RRBP1: variants seen among roughly 807,000 people sequenced by gnomAD.
RRBP1 encodes ribosome-binding protein 1.
A neutral mutation model predicts 165.2 loss-of-function variants in RRBP1; 94 were observed. The observed-to-expected ratio is 0.57, with a 90% confidence interval of 0.48 to 0.68. The LOEUF (loss-of-function observed/expected upper bound fraction) is 0.68. RRBP1 is among the 30% of genes least tolerant of loss of function. RRBP1 has a pLI of 0.00. For missense variants in RRBP1, 1,676 were observed against 1,763.0 expected, an observed-to-expected ratio of 0.95 and a Z score of 0.88; for synonymous variants, 680 against 714.5, an observed-to-expected ratio of 0.95 and a Z score of 0.77.
intron 21 of RRBP1, among the ~76,000 whole-genome samples, chr20:17,616,468 G>A (rs2035801600): frequency 6.6e-6 from 1 of 152,174 alleles, no homozygotes; most frequent in South Asian, 2.1e-4. Context: ...CCTGAGCCCT[G>A]TAGGTGCAGA....
chr20:17,626,227 TACA>T, intron 11 of RRBP1, among the ~76,000 whole-genome samples: 1 of 152,178 alleles, frequency 6.6e-6, no homozygotes. Flanking sequence ...TAATCCTAAC[TACA>T]ACATGAGTTC....
At chr20:17,650,886 A>G (rs760052596) in intron 3 of RRBP1, among the ~76,000 whole-genome samples, 1 of 152,210 alleles carries the variant, frequency 6.6e-6, no homozygotes, top group Non-Finnish European at 1.5e-5. Context: ...TCTGAGGATA[A>G]AAATAGATTT....
At position 17,621,858 on chromosome 20, in the gene RRBP1, T is replaced by C; in HGVS notation, c.3237A>G (p.Gln1079=). The part of the protein sequence containing the change: ...ALLPELSVLA[Q]QNYTEWLQDL... ...GGGAACCACCCTCCCCTCCTACCTG[T>C]TGTGCCAAGACAGAGAGTTCTGGGA... The change falls in exon 14 of 25, where the codon CAA becomes CAG. Residue 1079 remains glutamine, a synonymous_variant. Transcript: ENST00000377813. 1.2e-6 allele frequency: 2 copies of C among 1,613,868 alleles called. No individual in the cohort carries two copies. Among genetic ancestry groups the C allele is most frequent in the Non-Finnish European group, 1.7e-6 (2 of 1,179,928 alleles).
intron 4 of RRBP1, 83 bp downstream of exon 4, chr20:17,642,890 AATGTCC>A: frequency 7.3e-7 from 1 of 1,374,980 alleles, no homozygotes; most frequent in Non-Finnish European, 1.0e-6. Flanking sequence ...CTGTCCTATG[AATGTCC>A]TCTCTGTGGC....
intron 4 of RRBP1, 29 bp downstream of exon 4, chr20:17,642,950 G>A (rs2036393171): frequency 6.2e-7 from 1 of 1,609,378 alleles, no homozygotes; most frequent in Non-Finnish European, 8.5e-7. Context: ...AGTGGCCTCT[G>A]AGCATGGCCA....
Position 17,659,683 on chromosome 20 carries a change from G to C in RRBP1, c.825C>G (p.Thr275=). The change falls in exon 3 of 25, where the codon ACC becomes ACG. Residue 275 remains threonine (T), a synonymous_variant. Transcript: ENST00000377813. The stretch of plus-strand genomic sequence containing the variant: ...CCTCCACCTTTTTCCCCTGGTTTGG[G>C]GTTGTATCTACCTTTTTACCCTGGT... ...AQNQGKKVDT[T]PNQGKKVEGA... The C allele has an allele frequency of 6.5e-7, 1 of 1,549,876 alleles. No individual in the cohort carries two copies. The highest frequency in any genetic ancestry group is 1.2e-5 in the South Asian group (1 of 84,026).
intron 2 of RRBP1, among the ~76,000 whole-genome samples, chr20:17,665,360 A>G (rs1280758368): frequency 1.3e-5 from 2 of 152,182 alleles, no homozygotes; most frequent in Admixed American, 1.3e-4. Flanking sequence ...ATAGATACAC[A>G]TAGCTTTGGT....
intron 11 of RRBP1, among the ~76,000 whole-genome samples, chr20:17,626,741 G>A (rs1228798980): frequency 7.7e-6 from 1 of 130,490 alleles, no homozygotes; most frequent in East Asian, 2.1e-4. Flanking sequence ...CCCCTGACTC[G>A]AGCCACCCCA....
rs1219368490 is a variant in RRBP1, at chr20:17,622,338, AG to A, written c.3148-392del. Among the ~76,000 whole-genome samples the A allele has an allele frequency of 7.9e-5, 12 of 152,276 alleles. No homozygotes were observed. In the East Asian group the frequency reaches 1.9e-3, roughly 25 times the overall value. ...GCAGTTGATGTGTGAGAGCCAGGGC[AG>A]GAAGAAGGGATGGGAGGACACTCAT... On this transcript the variant is annotated intron_variant, in intron 13 of 24. Coordinates refer to ENST00000377813, the MANE Select transcript of RRBP1 (RefSeq NM_001365613.2).
chr20:17,620,426 C>G (rs533887041), intron 17 of RRBP1, 56 bp from the exon 18 acceptor site: 1 of 1,494,540 alleles, frequency 6.7e-7, no homozygotes, highest in Non-Finnish European at 9.3e-7. Flanking sequence ...TGTCTCCTTC[C>G]GAGGCCATGC....
intron 17 of RRBP1, 122 bp downstream of exon 17, chr20:17,620,593 G>A (rs1345546671): frequency 6.2e-6 from 5 of 809,990 alleles, no homozygotes; most frequent in African/African-American, 3.6e-5. Context: ...TGCTTCATAG[G>A]GTGTCGTGGA....
In RRBP1 at chr20:17,620,810, G is replaced by A. The variant is rs771926707; in HGVS notation, c.3415-3C>T. The A allele has an allele frequency of 1.3e-6, 2 of 1,598,990 alleles. No homozygotes were observed. The highest frequency in any genetic ancestry group is 1.7e-6 in the Non-Finnish European group (2 of 1,173,650). On this transcript the variant is annotated splice_region_variant and splice_polypyrimidine_tract_variant and intron_variant, in intron 16 of 24. Coordinates refer to ENST00000377813, the MANE Select transcript of RRBP1 (RefSeq NM_001365613.2). ...TGCAGGTCTCTGAGCATGCCCTCCT[G>A]GGGGGAAACCGAGGTGAGGCAGGGC...
intron 2 of RRBP1, among the ~76,000 whole-genome samples, chr20:17,662,933 T>C (rs1385131211): frequency 6.6e-6 from 1 of 152,004 alleles, no homozygotes; most frequent in East Asian, 1.9e-4. Context: ...CTTAGCACCT[T>C]GGGAAGCTGA....
At chr20:17,646,579 C>T (rs1336503750) in intron 3 of RRBP1, among the ~76,000 whole-genome samples, 1 of 152,214 alleles carries the variant, frequency 6.6e-6, no homozygotes, top group East Asian at 1.9e-4. Flanking sequence ...TAAGTTGCAA[C>T]GTGCTTGGAA....
At chr20:17,620,486 C>G (rs577705111) in intron 17 of RRBP1, 116 bp from the exon 18 acceptor site, 260 of 977,064 alleles carry the variant, frequency 2.7e-4, no homozygotes, top group Non-Finnish European at 3.9e-4. Flanking sequence ...GGGGTGCCCA[C>G]TCCGCCCAGC....
In RRBP1 at chr20:17,658,955, T is replaced by C. The variant is rs896436802; in HGVS notation, c.1553A>G (p.Gln518Arg). The C allele has an allele frequency of 2.5e-6, 4 of 1,612,720 alleles. No individual in the cohort carries two copies. Among genetic ancestry groups the C allele is most frequent in the East Asian group, 2.2e-5 (1 of 44,900 alleles). Residue 518 changes from glutamine (Q) to arginine (R), a missense_variant, in exon 3 of 25, where the codon CAG becomes CGG. Coordinates refer to ENST00000377813, the MANE Select transcript of RRBP1 (RefSeq NM_001365613.2). ...CTGAGCCCCTTCTGTCTTTTTACCCTGATTCTGGGCTCCCTCTCCTTTTTG... is the reference window on the plus strand; with the variant it reads ...CTGAGCCCCTTCTGTCTTTTTACCCCGATTCTGGGCTCCCTCTCCTTTTTG... ...QGQKGEGAQN[Q>R]GKKTEGAQGK...
intron 2 of RRBP1, among the ~76,000 whole-genome samples, chr20:17,662,761 G>A (rs2036789438): frequency 6.6e-6 from 1 of 152,134 alleles, no homozygotes; most frequent in South Asian, 2.1e-4. Context: ...AAGAAGGTCT[G>A]GAACATGGTA....
chr20:17,658,492 T>C (rs1331598404), intron 3 of RRBP1, 104 bp downstream of exon 3: 1 of 998,304 alleles, frequency 1.0e-6, no homozygotes, highest in Non-Finnish European at 1.5e-6. Flanking sequence ...CGCAGCCTTA[T>C]TATGACAATA....
chr20:17,614,910 C>A, intron 23 of RRBP1, 30 bp from the exon 24 acceptor site: 1 of 1,608,714 alleles, frequency 6.2e-7, no homozygotes. Context: ...CGGGCATCAG[C>A]CCTTGCACCG....
Sources: gnomAD v4.1 joint callset for allele counts (sites outside exome capture counted in the v4.1 genomes callset) on GRCh38, gnomAD v4.1.1 for gene constraint, MANE v1.5 for transcripts, NCBI Gene and HGNC (gene_info 2026-07-23, HGNC 2026-07-21) for gene names.